The following RIMBP2 variants were observed in gnomAD, a reference collection of about 807,000 sequenced individuals.
RIMBP2 encodes RIMS binding protein 2.
Under a neutral mutation model 118.6 loss-of-function variants are expected in RIMBP2, and 48 were observed. That is an observed-to-expected ratio of 0.40 (90% confidence interval 0.32 to 0.51). The LOEUF (loss-of-function observed/expected upper bound fraction) is 0.51. Among genes scored for constraint, RIMBP2 ranks in the 20% least tolerant of loss-of-function variants. The pLI is 0.41. For missense variants in RIMBP2, 1,551 were observed against 1,768.3 expected, an observed-to-expected ratio of 0.88 and a Z score of 2.20; for synonymous variants, 762 against 742.9, an observed-to-expected ratio of 1.03 and a Z score of -0.42.
At chr12:130,438,841 C>G (rs1284521016) in intron 11 of RIMBP2, among the ~76,000 whole-genome samples, 1 of 152,156 alleles carries the variant, frequency 6.6e-6, no homozygotes, top group Non-Finnish European at 1.5e-5. Flanking sequence ...AGAGCTACCT[C>G]TGTCCAGGGG....
chr12:130,675,372 T>C (rs1327343648), intron 1 of RIMBP2, among the ~76,000 whole-genome samples: 2 of 152,214 alleles, frequency 1.3e-5, no homozygotes, highest in African/African-American at 4.8e-5. Context: ...CATTTGTGTC[T>C]GTGCCCACAG....
At chr12:130,439,773 ATG>A (rs1481311271) in intron 11 of RIMBP2, among the ~76,000 whole-genome samples, 1 of 93,146 alleles carries the variant, frequency 1.1e-5, no homozygotes, top group Non-Finnish European at 2.1e-5. Context: ...GTGTGTGTGT[ATG>A]TGGGTATGTG....
At chr12:130,505,275 T>A (rs1010181497) in intron 4 of RIMBP2, among the ~76,000 whole-genome samples, 1 of 152,138 alleles carries the variant, frequency 6.6e-6, no homozygotes, top group African/African-American at 2.4e-5. Context: ...TCTTTGCTAA[T>A]CGAGATGGCA....
intron 2 of RIMBP2, among the ~76,000 whole-genome samples, chr12:130,604,098 C>T (rs1323040347): frequency 2.0e-5 from 3 of 152,000 alleles, no homozygotes; most frequent in Non-Finnish European, 4.4e-5. Flanking sequence ...ATCCTGACCC[C>T]GGGTAGGCCC....
At chr12:130,556,537 C>T (rs576864368) in intron 2 of RIMBP2, among the ~76,000 whole-genome samples, 16 of 152,338 alleles carry the variant, frequency 1.1e-4, no homozygotes, top group African/African-American at 3.4e-4. Flanking sequence ...CAGGGACGCT[C>T]GGGCACTCAG....
In RIMBP2 at chr12:130,414,094, A is replaced by T. The variant is rs369419706; in HGVS notation, c.3420+31T>A. ...TGACCCAGACCCGCCTCAGGGGCTG[A>T]TGAAGCCGCCCGCAGGCAGCCATCC... On this transcript the variant is annotated intron_variant, in intron 18 of 22. Coordinates refer to ENST00000690449, the MANE Select transcript of RIMBP2 (RefSeq NM_001393629.1). 11 of 1,612,236 alleles carry T rather than the reference A, an allele frequency of 6.8e-6. No homozygotes were observed. In the African/African-American group the frequency reaches 1.3e-4, roughly 20 times the overall value.
rs1419338881 is a variant in RIMBP2 at position 130,424,280 on chromosome 12, G to A, written c.2991C>T (p.Pro997=). 17 of 1,231,916 alleles carry A rather than the reference G, an allele frequency of 1.4e-5. No individual in the cohort carries two copies. The highest frequency in any genetic ancestry group is 4.2e-5 in the Admixed American group (1 of 23,728). The allele number at this position is 1,231,916 out of a possible 1,614,324, so 76.3% of individuals were successfully genotyped here. The change falls in exon 16 of 23, where the codon CCC becomes CCT. Residue 997 remains proline, a synonymous_variant. Coordinates refer to ENST00000690449, the MANE Select transcript of RIMBP2 (RefSeq NM_001393629.1). This position sits in a 1 kb window ranked among gnomAD's most constrained non-coding sequence, Gnocchi z 9.8. ...GCTCGCCCCAGCCGTGCTTCCTGGGGGGCGGCCTCTCCGGGCCGGGCTGGG... is the reference window on the plus strand; with the variant it reads ...GCTCGCCCCAGCCGTGCTTCCTGGGAGGCGGCCTCTCCGGGCCGGGCTGGG... The part of the protein sequence containing the change: ...DDPQPGPERP[P]PRKHGWGEPT...
chr12:130,479,724 C>T (rs916644071), intron 4 of RIMBP2, among the ~76,000 whole-genome samples: 5 of 152,058 alleles, frequency 3.3e-5, no homozygotes, highest in Admixed American at 2.6e-4. Context: ...CCTTCACTTA[C>T]CCCTCTGGGA....
At chr12:130,433,888 C>T (rs1006941306) in intron 14 of RIMBP2, among the ~76,000 whole-genome samples, 3 of 152,200 alleles carry the variant, frequency 2.0e-5, no homozygotes, top group Admixed American at 1.3e-4. Context: ...GGTAATTAAA[C>T]GACTTTGTTG....
intron 2 of RIMBP2, among the ~76,000 whole-genome samples, chr12:130,532,515 G>A (rs916736974): frequency 5.3e-5 from 8 of 149,726 alleles, no homozygotes; most frequent in South Asian, 2.1e-4. Flanking sequence ...TCAGCCTCTA[G>A]GAGTTACGTC....
intron 1 of RIMBP2, among the ~76,000 whole-genome samples, chr12:130,699,153 TG>T (rs1341785607): frequency 6.6e-6 from 1 of 152,188 alleles, no homozygotes. Context: ...GTTCAACCAT[TG>T]TGGAAGTCAG....
rs1392588349 is a variant in RIMBP2, at chr12:130,688,793, C to T, written c.-352+27429G>A. 6.6e-5 allele frequency among the ~76,000 whole-genome samples: 10 copies of T among 152,260 alleles called. No homozygotes were observed. The highest frequency in any genetic ancestry group is 1.7e-4 in the African/African-American group (7 of 41,474). ...CCACCTCCACCACCACTGTCTCCTC[C>T]GGCCCCCAATTCCAACTGCTCAGCT... On this transcript the variant is annotated intron_variant, in intron 1 of 22. Transcript: ENST00000690449. The surrounding 1 kb of genome is among the most constrained non-coding windows in gnomAD (Gnocchi z 4.7).
intron 1 of RIMBP2, among the ~76,000 whole-genome samples, chr12:130,652,347 C>G (rs981578240): frequency 3.3e-5 from 5 of 152,212 alleles, no homozygotes; most frequent in Non-Finnish European, 5.9e-5. Flanking sequence ...ACTTTCTAGC[C>G]TGCAAAGCTG....
intron 2 of RIMBP2, among the ~76,000 whole-genome samples, chr12:130,553,496 A>T (rs1174024302): frequency 6.6e-6 from 1 of 152,058 alleles, no homozygotes; most frequent in African/African-American, 2.4e-5. Context: ...AAATAACTTG[A>T]CAATTAGGAG....
chr12:130,661,868 A>G (rs1475149071), intron 1 of RIMBP2, among the ~76,000 whole-genome samples: 1 of 152,102 alleles, frequency 6.6e-6, no homozygotes, highest in African/African-American at 2.4e-5. Flanking sequence ...CCCGGTCACG[A>G]CTGTGGAAAT....
At chr12:130,691,618 C>T (rs2065311129) in intron 1 of RIMBP2, among the ~76,000 whole-genome samples, 1 of 152,170 alleles carries the variant, frequency 6.6e-6, no homozygotes, top group Non-Finnish European at 1.5e-5. Flanking sequence ...CTGCAGTGAG[C>T]ACAGATGGCC....
chr12:130,450,186 G>C lies in RIMBP2; in HGVS notation c.581+14C>G, dbSNP rs1185567249. On this transcript the variant is annotated intron_variant, in intron 9 of 22. Coordinates refer to ENST00000690449, the MANE Select transcript of RIMBP2 (RefSeq NM_001393629.1). This position sits in a 1 kb window ranked among gnomAD's most constrained non-coding sequence, Gnocchi z 4.8. Reference sequence around the variant, plus strand: ...CTCACAGGGGCTCGGTGGACGCCGAGGGGCCGCACTTACCTATAGCGGGCA... The same window carrying C: ...CTCACAGGGGCTCGGTGGACGCCGACGGGCCGCACTTACCTATAGCGGGCA... 1 of 1,588,192 alleles carries C rather than the reference G, an allele frequency of 6.3e-7. No individual in the cohort carries two copies. Among genetic ancestry groups the C allele is most frequent in the Non-Finnish European group, 8.6e-7 (1 of 1,162,788 alleles).
intron 5 of RIMBP2, among the ~76,000 whole-genome samples, chr12:130,477,883 G>A (rs1400229943): frequency 6.6e-6 from 1 of 152,252 alleles, no homozygotes; most frequent in Admixed American, 6.5e-5. Context: ...AGACCAGCCA[G>A]CTGCACTCTG....
intron 2 of RIMBP2, among the ~76,000 whole-genome samples, chr12:130,577,315 T>C (rs1370951955): frequency 1.3e-5 from 2 of 152,200 alleles, no homozygotes; most frequent in African/African-American, 4.8e-5. Flanking sequence ...GCTATAATTA[T>C]AACTGCCACT....
Sources: allele counts gnomAD v4.1 joint callset (sites outside exome capture counted in the v4.1 genomes callset), GRCh38; gene constraint gnomAD v4.1.1; non-coding constraint Gnocchi (gnomAD v3.1); transcripts MANE v1.5; gene names NCBI Gene and HGNC (gene_info 2026-07-23, HGNC 2026-07-21).